ATP6V0D2: variants seen among roughly 807,000 people sequenced by gnomAD.
ATP6V0D2 encodes the protein ATPase H+ transporting V0 subunit d2, also known as V-type proton ATPase subunit d 2.
Under a neutral mutation model 40.0 loss-of-function variants are expected in ATP6V0D2, and 40 were observed. That is an observed-to-expected ratio of 1.00 (90% CI 0.78 to 1.30). The LOEUF (loss-of-function observed/expected upper bound fraction) is 1.30. Ranked by LOEUF, ATP6V0D2 falls within the 50% of genes most tolerant of loss-of-function variation. ATP6V0D2 has a pLI of 0.00. For missense variants in ATP6V0D2, 470 were observed against 423.1 expected, an observed-to-expected ratio of 1.11 and a Z score of -0.97; for synonymous variants, 179 against 156.3, an observed-to-expected ratio of 1.15 and a Z score of -1.08.
At chr8:86,152,290 A>G (rs1183307310) in intron 7 of ATP6V0D2, among the ~76,000 whole-genome samples, 6 of 152,178 alleles carry the variant, frequency 3.9e-5, no homozygotes, top group Admixed American at 3.9e-4. Context: ...TCCATGGTAT[A>G]TATGTGCCAC....
chr8:86,120,286 A>T (rs988500074), intron 2 of ATP6V0D2, among the ~76,000 whole-genome samples: 2 of 152,088 alleles, frequency 1.3e-5, no homozygotes, highest in African/African-American at 4.8e-5. Context: ...CTGTAGTCCC[A>T]GTTACTGGGG....
intron 1 of ATP6V0D2, among the ~76,000 whole-genome samples, chr8:86,108,599 A>G (rs980864304): frequency 1.3e-5 from 2 of 151,922 alleles, no homozygotes; most frequent in Non-Finnish European, 2.9e-5. Context: ...GTAGATAGTC[A>G]CTTCTCTTTA....
Position 86,153,102 on chromosome 8 carries a change from T to C in ATP6V0D2, c.*125T>C, listed in dbSNP as rs889059664. ...GTAAGCCACACTATATCTTCATGAG[T>C]TGCAAATCCATGGAAACACAGTAAA... On this transcript the variant is annotated 3_prime_UTR_variant, in exon 8 of 8. Coordinates refer to ENST00000285393, the MANE Select transcript of ATP6V0D2 (RefSeq NM_152565.1). 10 of 778,636 alleles carry C rather than the reference T, an allele frequency of 1.3e-5. No homozygotes were observed. Among genetic ancestry groups the C allele is most frequent in the Non-Finnish European group, 1.9e-5 (10 of 534,344 alleles). 48.2% of individuals were successfully genotyped at this position (778,636 alleles called of 1,614,324 possible).
rs752402385 is a variant in ATP6V0D2 at position 86,150,229 on chromosome 8, C to A, written c.757C>A (p.Arg253=). 19 of 1,613,124 alleles carry A rather than the reference C, an allele frequency of 1.2e-5. No homozygotes were observed. The highest frequency in any genetic ancestry group is 1.4e-5 in the Non-Finnish European group (16 of 1,179,860). The change falls in exon 6 of 8, where the codon CGG becomes AGG. Residue 253 remains arginine (R), a synonymous_variant. Coordinates refer to ENST00000285393, the MANE Select transcript of ATP6V0D2 (RefSeq NM_152565.1). ...CGGCAAACTCTATCCTGAGGGGTTGCGGCTGTTGGCTCAAGCAGAAGACTT... is the reference window on the plus strand; with the variant it reads ...CGGCAAACTCTATCCTGAGGGGTTGAGGCTGTTGGCTCAAGCAGAAGACTT... ...TFGKLYPEGL[R]LLAQAEDFDQ...
rs562798784 is a variant in ATP6V0D2 at position 86,121,578 on chromosome 8, AAGGAGGAGGAGGAGG to A, written c.302+7725_302+7739del. Among the ~76,000 whole-genome samples the A allele has an allele frequency of 3.4e-4, 36 of 107,462 alleles. 1 individual carries two copies. Among genetic ancestry groups the A allele is most frequent in the African/African-American group, 8.7e-4 (27 of 31,204 alleles). 70.5% of individuals were successfully genotyped at this position (107,462 alleles called of 152,430 possible). On this transcript the variant is annotated intron_variant, in intron 2 of 7. Coordinates refer to ENST00000285393, the MANE Select transcript of ATP6V0D2 (RefSeq NM_152565.1). ...GAGCAAGACTCCACCATTTCAAAAG[AAGGAGGAGGAGGAGG>A]AGGAGGAGGAGGAGGAGGAGGAGGA... is the stretch of plus-strand genomic sequence containing the variant.
In ATP6V0D2 at chr8:86,099,129, C is replaced by T. The variant is rs375504731; in HGVS notation, c.130+21C>T. On this transcript the variant is annotated intron_variant, in intron 1 of 7. Coordinates refer to ENST00000285393, the MANE Select transcript of ATP6V0D2 (RefSeq NM_152565.1). ...AGAAGGTAAGTGTAGCTCTTCTCAC[C>T]CTTTAAAAAGAAAAAAAAAAAAATG... The T allele has an allele frequency of 8.7e-5, 135 of 1,552,432 alleles. 1 individual carries two copies. Among genetic ancestry groups the T allele is most frequent in the Non-Finnish European group, 5.1e-5 (59 of 1,156,770 alleles).
chr8:86,145,175 A>C (rs1819030746), intron 5 of ATP6V0D2, among the ~76,000 whole-genome samples: 1 of 59,248 alleles, frequency 1.7e-5, no homozygotes, highest in Non-Finnish European at 3.8e-5. Context: ...AGAAAGAGAG[A>C]AAGAGAGAAA....
At chr8:86,134,423 C>CT (rs1317707839) in intron 2 of ATP6V0D2, among the ~76,000 whole-genome samples, 1 of 152,150 alleles carries the variant, frequency 6.6e-6, no homozygotes, top group Non-Finnish European at 1.5e-5. Flanking sequence ...ACAATATACC[C>CT]TTTCTCCTCT....
intron 1 of ATP6V0D2, among the ~76,000 whole-genome samples, chr8:86,111,838 A>G (rs1016074914): frequency 6.6e-6 from 1 of 152,124 alleles, no homozygotes; most frequent in African/African-American, 2.4e-5. Flanking sequence ...ATCTTTATGG[A>G]TCTGGGTCTC....
intron 2 of ATP6V0D2, among the ~76,000 whole-genome samples, chr8:86,122,332 G>T (rs17661054): frequency 0.012 from 1,754 of 152,242 alleles, 15 homozygotes; most frequent in Non-Finnish European, 0.017. Context: ...AGAATCTGAC[G>T]TTAAGGACCA....
chr8:86,112,403 C>T (rs193046008), intron 1 of ATP6V0D2, among the ~76,000 whole-genome samples: 13 of 152,236 alleles, frequency 8.5e-5, no homozygotes, highest in African/African-American at 2.9e-4. Context: ...AGTTTATCTA[C>T]GTGAGATTTT....
intron 2 of ATP6V0D2, among the ~76,000 whole-genome samples, chr8:86,118,568 G>T (rs555824563): frequency 1.1e-3 from 169 of 152,166 alleles, no homozygotes; most frequent in African/African-American, 4.0e-3. Context: ...TAGGCTTTGG[G>T]CTGAGTCAGA....
intron 2 of ATP6V0D2, among the ~76,000 whole-genome samples, chr8:86,124,325 C>G (rs1818711471): frequency 6.6e-6 from 1 of 152,156 alleles, no homozygotes; most frequent in Admixed American, 6.6e-5. Context: ...TTCATTTAAT[C>G]AGCATAACAG....
intron 5 of ATP6V0D2, among the ~76,000 whole-genome samples, chr8:86,149,758 A>G (rs1364645229): frequency 6.6e-6 from 1 of 152,188 alleles, no homozygotes; most frequent in African/African-American, 2.4e-5. Context: ...CCCCTGAATG[A>G]ACCCTAAGAA....
chr8:86,105,547 C>A (rs1224498555), intron 1 of ATP6V0D2, among the ~76,000 whole-genome samples: 1 of 151,922 alleles, frequency 6.6e-6, no homozygotes, highest in African/African-American at 2.4e-5. Flanking sequence ...ATCTGCCCAC[C>A]TCAGCCTCCC....
Position 86,140,215 on chromosome 8 carries a change from A to C in ATP6V0D2, c.481+580A>C, listed in dbSNP as rs887679478. On this transcript the variant is annotated intron_variant, in intron 3 of 7. Coordinates refer to ENST00000285393, the MANE Select transcript of ATP6V0D2 (RefSeq NM_152565.1). ...ACAAGAGTTGTGTTCAAAATGCTAA[A>C]GAGATAATTGTATAAGCATCATTAT... Among the ~76,000 whole-genome samples, 54 of 152,230 alleles carry C rather than the reference A, an allele frequency of 3.5e-4. 1 individual carries two copies. Among genetic ancestry groups the C allele is most frequent in the Non-Finnish European group, 1.5e-5 (1 of 68,038 alleles).
intron 1 of ATP6V0D2, among the ~76,000 whole-genome samples, chr8:86,107,109 T>C (rs765900842): frequency 6.6e-6 from 1 of 151,966 alleles, no homozygotes; most frequent in African/African-American, 2.4e-5. Flanking sequence ...TAAAATGAGA[T>C]AAAAATTCAG....
rs546894464 is a variant in ATP6V0D2 at position 86,136,809 on chromosome 8, A to G, written c.303-2648A>G. ...TGACAATGTTTCTACGTGTTCAAGTAAATTTTCATCCAGTAAAAAGGTATC... is the reference window on the plus strand; with the variant it reads ...TGACAATGTTTCTACGTGTTCAAGTGAATTTTCATCCAGTAAAAAGGTATC... On this transcript the variant is annotated intron_variant, in intron 2 of 7. Coordinates refer to ENST00000285393, the MANE Select transcript of ATP6V0D2 (RefSeq NM_152565.1). 7.5e-4 allele frequency among the ~76,000 whole-genome samples: 114 copies of G among 152,278 alleles called. 1 individual carries two copies. The highest frequency in any genetic ancestry group is 2.3e-3 in the African/African-American group (95 of 41,564).
chr8:86,110,155 C>T (rs528080834), intron 1 of ATP6V0D2, among the ~76,000 whole-genome samples: 11 of 152,256 alleles, frequency 7.2e-5, no homozygotes, highest in African/African-American at 1.7e-4. Context: ...GGTGCAGTGG[C>T]GCATTCTCAG....
Sources: gnomAD v4.1 joint callset for allele counts (sites outside exome capture counted in the v4.1 genomes callset) on GRCh38, gnomAD v4.1.1 for gene constraint, MANE v1.5 for transcripts, NCBI Gene and HGNC (gene_info 2026-07-23, HGNC 2026-07-21) for gene names.